Variants in FGF14 observed in about 807,000 individuals in gnomAD.
The protein encoded by FGF14 is fibroblast growth factor homologous factor 4.
FGF14 carries 5 observed loss-of-function variants against 25.5 expected under a neutral mutation model. The observed-to-expected ratio is 0.20, with a 90% CI of 0.10 to 0.41. The LOEUF (loss-of-function observed/expected upper bound fraction) is 0.41. FGF14 is among the 10% of genes least tolerant of loss of function. The pLI, the probability that FGF14 is intolerant of heterozygous loss-of-function variation, is 1.00. For missense variants in FGF14, 222 were observed against 320.1 expected (o/e 0.69, Z 2.34); for synonymous variants, 138 against 118.3 (o/e 1.17, Z -1.08).
chr13:101,859,955 G>T (rs1300838693), intron 3 of FGF14, among the ~76,000 whole-genome samples: 1 of 151,240 alleles, frequency 6.6e-6, no homozygotes, highest in Non-Finnish European at 1.5e-5. Context: ...TATTTTTATT[G>T]TTTTTTTTTA....
chr13:102,282,662 T>C (rs1221891303), intron 1 of FGF14, among the ~76,000 whole-genome samples: 1 of 152,116 alleles, frequency 6.6e-6, no homozygotes, highest in Non-Finnish European at 1.5e-5. Flanking sequence ...CCACCCCACA[T>C]ACCTATGAAG....
intron 1 of FGF14, among the ~76,000 whole-genome samples, chr13:102,285,644 A>G (rs1266108008): frequency 6.6e-6 from 1 of 152,196 alleles, no homozygotes; most frequent in Non-Finnish European, 1.5e-5. Flanking sequence ...GCAAATGGAT[A>G]AGATAAATCT....
chr13:102,369,888 T>C (rs957487534), intron 1 of FGF14, among the ~76,000 whole-genome samples: 8 of 152,264 alleles, frequency 5.3e-5, no homozygotes, highest in Non-Finnish European at 1.0e-4. Context: ...TCAGGTTTTA[T>C]GATTTTAATG....
At chr13:102,274,342 T>C (rs1462368397) in intron 1 of FGF14, among the ~76,000 whole-genome samples, 6 of 152,208 alleles carry the variant, frequency 3.9e-5, no homozygotes, top group Admixed American at 3.3e-4. Context: ...TTAAGTTCCA[T>C]AAGGAATGCT....
At chr13:101,933,878 A>C (rs2034927966) in intron 1 of FGF14, among the ~76,000 whole-genome samples, 1 of 152,206 alleles carries the variant, frequency 6.6e-6, no homozygotes, top group Non-Finnish European at 1.5e-5. Context: ...TTGACAAATA[A>C]TACTTTATAT....
At chr13:101,739,111 GTATATATA>G (rs3064690) in intron 3 of FGF14, among the ~76,000 whole-genome samples, 2 of 137,962 alleles carry the variant, frequency 1.4e-5, no homozygotes, top group Admixed American at 7.4e-5. Context: ...ATATATACAT[GTATATATA>G]TATATATATA....
At chr13:102,246,823 C>T (rs140516984) in intron 1 of FGF14, among the ~76,000 whole-genome samples, 93 of 151,856 alleles carry the variant, frequency 6.1e-4, no homozygotes, top group African/African-American at 2.0e-3. Flanking sequence ...GGAGGCTTCA[C>T]GTAACCCTTC....
chr13:102,241,838 G>C (rs544560516), intron 1 of FGF14, among the ~76,000 whole-genome samples: 3 of 152,156 alleles, frequency 2.0e-5, no homozygotes, highest in African/African-American at 7.2e-5. Context: ...GCTCCTGCCA[G>C]GAAGTCTTAT....
chr13:102,159,314 C>A (rs1209622346), intron 1 of FGF14, among the ~76,000 whole-genome samples: 1 of 152,112 alleles, frequency 6.6e-6, no homozygotes, highest in Non-Finnish European at 1.5e-5. Flanking sequence ...TGCCACCCAG[C>A]AAAGCTTCAT....
intron 1 of FGF14, among the ~76,000 whole-genome samples, chr13:102,062,117 C>CA (rs1271364363): frequency 6.6e-6 from 1 of 151,826 alleles, no homozygotes; most frequent in Non-Finnish European, 1.5e-5. Flanking sequence ...AAAGTCTATG[C>CA]AAAAAATAAG....
At chr13:101,913,711 T>TA (rs150196781) in intron 1 of FGF14, among the ~76,000 whole-genome samples, 10,684 of 152,164 alleles carry the variant, frequency 0.07, 426 homozygotes, top group Middle Eastern at 0.11. Context: ...TACCTGCTCT[T>TA]AAAATCTCTG....
At chr13:102,206,531 A>ACTTTTTGAAG (rs1566816699) in intron 1 of FGF14, among the ~76,000 whole-genome samples, 2 of 152,164 alleles carry the variant, frequency 1.3e-5, no homozygotes, top group African/African-American at 4.8e-5. Context: ...AAAATACAAA[A>ACTTTTTGAAG]TTAGCCAGGC....
chr13:102,364,870 C>A (rs1396616101), intron 1 of FGF14, among the ~76,000 whole-genome samples: 2 of 152,158 alleles, frequency 1.3e-5, no homozygotes, highest in African/African-American at 4.8e-5. Flanking sequence ...GGAAACCGCA[C>A]ACATATGGGC....
chr13:101,963,750 C>T (rs1357337805), intron 1 of FGF14, among the ~76,000 whole-genome samples: 1 of 152,056 alleles, frequency 6.6e-6, no homozygotes, highest in Admixed American at 6.6e-5. Flanking sequence ...TATTATTATC[C>T]AACAAAGATT....
At chr13:101,809,050 G>A (rs1054886987) in intron 3 of FGF14, among the ~76,000 whole-genome samples, 1 of 151,922 alleles carries the variant, frequency 6.6e-6, no homozygotes, top group Non-Finnish European at 1.5e-5. Flanking sequence ...GGAGTTCTTG[G>A]CTTTTGATAA....
intron 1 of FGF14, among the ~76,000 whole-genome samples, chr13:102,219,278 A>C (rs1406153989): frequency 6.6e-6 from 1 of 152,226 alleles, no homozygotes; most frequent in African/African-American, 2.4e-5. Flanking sequence ...CACTCCCAGC[A>C]TCTCTGGAGT....
chr13:102,073,955 C>T (rs2043250729), intron 1 of FGF14, among the ~76,000 whole-genome samples: 1 of 152,118 alleles, frequency 6.6e-6, no homozygotes, highest in Non-Finnish European at 1.5e-5. Context: ...CATTCGCTCC[C>T]TCTCTCTCTG....
At chr13:101,765,897 T>A (rs1353326541) in intron 3 of FGF14, among the ~76,000 whole-genome samples, 1 of 151,944 alleles carries the variant, frequency 6.6e-6, no homozygotes, top group African/African-American at 2.4e-5. Flanking sequence ...CCCAGCTAAT[T>A]TTTGTACTTT....
chr13:102,102,673 C>T (rs1260347926), intron 1 of FGF14, among the ~76,000 whole-genome samples: 1 of 152,188 alleles, frequency 6.6e-6, no homozygotes, highest in East Asian at 1.9e-4. Context: ...AACTCAAATA[C>T]CACTACTGAT....
Sources: gnomAD v4.1 joint callset for allele counts (sites outside exome capture counted in the v4.1 genomes callset) on GRCh38, gnomAD v4.1.1 for gene constraint, MANE v1.5 for transcripts, NCBI Gene and HGNC (gene_info 2026-07-23, HGNC 2026-07-21) for gene names.